The following CFAP54 variants were observed in gnomAD, a reference collection of about 807,000 sequenced individuals.
The protein encoded by CFAP54 is cilia and flagella associated protein 54.
Under a neutral mutation model 370.4 loss-of-function variants are expected in CFAP54, and 290 were observed. The observed-to-expected ratio is 0.78, with a 90% CI of 0.71 to 0.86. CFAP54 has a LOEUF of 0.86. Ranked by LOEUF, CFAP54 falls within the 40% of genes least tolerant of loss-of-function variation. CFAP54 has a pLI of 0.00. For synonymous variants in CFAP54, 1,206 were observed against 1,236.5 expected (o/e 0.98, Z 0.52); for missense variants, 3,399 against 3,528.7 (o/e 0.96, Z 0.93).
chr12:96,660,658 A>G (rs1260348577), intron 38 of CFAP54, among the ~76,000 whole-genome samples: 1 of 152,204 alleles, frequency 6.6e-6, no homozygotes, highest in Non-Finnish European at 1.5e-5. Context: ...ATTTCTCCCC[A>G]CCACTAAGCA....
At position 96,507,070 on chromosome 12, in the gene CFAP54, A is replaced by C; in HGVS notation, c.710A>C (p.Gln237Pro). ...CTCATCATGCAAGTGGCTCTGCCAC[A>C]AGAGCATCTTTGCTGGATTATCTTC... ...LRLIMQVALPQEHLCWIIFNG... is the reference protein window; with the variant it reads ...LRLIMQVALPPEHLCWIIFNG... The change falls in exon 4 of 68, where the codon CAA becomes CCA. Residue 237 changes from glutamine (Q) to proline (P), a missense_variant. Coordinates refer to ENST00000524981, the MANE Select transcript of CFAP54 (RefSeq NM_001306084.2). 1 of 1,533,738 alleles carries C rather than the reference A, an allele frequency of 6.5e-7. No individual in the cohort carries two copies. The highest frequency in any genetic ancestry group is 8.7e-7 in the Non-Finnish European group (1 of 1,146,244).
At chr12:96,733,456 A>T (rs1056460176) in intron 50 of CFAP54, among the ~76,000 whole-genome samples, 1 of 152,052 alleles carries the variant, frequency 6.6e-6, no homozygotes, top group Non-Finnish European at 1.5e-5. Context: ...TTTTGTCATG[A>T]ATGCTAATAA....
At chr12:96,604,358 G>T (rs763786467) in intron 26 of CFAP54, among the ~76,000 whole-genome samples, 5 of 152,172 alleles carry the variant, frequency 3.3e-5, no homozygotes, top group Non-Finnish European at 5.9e-5. Flanking sequence ...CCTGTTTGAG[G>T]TGTCTGTTGG....
At chr12:96,581,982 A>G (rs1015550314) in intron 22 of CFAP54, among the ~76,000 whole-genome samples, 3 of 152,160 alleles carry the variant, frequency 2.0e-5, no homozygotes, top group Non-Finnish European at 4.4e-5. Flanking sequence ...ACCTACATCC[A>G]TGATTACTTT....
chr12:96,703,999 A>T (rs149981661), intron 46 of CFAP54, among the ~76,000 whole-genome samples: 1 of 152,314 alleles, frequency 6.6e-6, no homozygotes, highest in African/African-American at 2.4e-5. Context: ...CAGCAATAGG[A>T]AAGAGGTTAT....
In CFAP54 at chr12:96,677,690, T is replaced by C. The variant is rs1333130096; in HGVS notation, c.5564-1910T>C. On this transcript the variant is annotated intron_variant, in intron 39 of 67. Coordinates refer to ENST00000524981, the MANE Select transcript of CFAP54 (RefSeq NM_001306084.2). Reference sequence around the variant, plus strand: ...TCCAGGGAGTTCACAAGAACCACTTTGGCCTAAGTATTTGATTCTCTTAAA... The same window carrying C: ...TCCAGGGAGTTCACAAGAACCACTTCGGCCTAAGTATTTGATTCTCTTAAA... 2.6e-5 allele frequency among the ~76,000 whole-genome samples: 4 copies of C among 152,306 alleles called. No homozygotes were observed. In the East Asian group the frequency reaches 7.7e-4, roughly 29 times the overall value.
At chr12:96,621,116 GTCC>G (rs778161712) in intron 26 of CFAP54, among the ~76,000 whole-genome samples, 17 of 152,184 alleles carry the variant, frequency 1.1e-4, no homozygotes, top group Non-Finnish European at 2.1e-4. Context: ...ATCTAGCCTA[GTCC>G]TCTAGCAGAA....
At chr12:96,779,662 A>G (rs1958562329) in intron 60 of CFAP54, among the ~76,000 whole-genome samples, 3 of 148,428 alleles carry the variant, frequency 2.0e-5, no homozygotes, top group Non-Finnish European at 4.5e-5. Flanking sequence ...TAATTTATAT[A>G]TTAACATATA....
Position 96,749,679 on chromosome 12 carries a change from A to G in CFAP54, c.7685-4064A>G, listed in dbSNP as rs138868094. On this transcript the variant is annotated intron_variant, in intron 55 of 67. Coordinates refer to ENST00000524981, the MANE Select transcript of CFAP54 (RefSeq NM_001306084.2). ...TCTGATTATTAATTTAGGTTTCAGC[A>G]TTGACTATCTTCTCAAAATTATCTG... Among the ~76,000 whole-genome samples, 859 of 152,266 alleles carry G rather than the reference A, an allele frequency of 5.6e-3. 8 individuals are homozygous for G. The highest frequency in any genetic ancestry group is 0.019 in the African/African-American group (810 of 41,560).
chr12:96,568,398 G>A (rs1178819253), intron 19 of CFAP54, among the ~76,000 whole-genome samples: 1 of 151,996 alleles, frequency 6.6e-6, no homozygotes, highest in Non-Finnish European at 1.5e-5. Context: ...CACCAACGAG[G>A]AACATGTCGA....
Position 96,693,750 on chromosome 12 carries a change from A to G in CFAP54, c.6293A>G (p.Tyr2098Cys). The G allele has an allele frequency of 6.3e-7, 1 of 1,599,560 alleles. No homozygotes were observed. The highest frequency in any genetic ancestry group is 8.6e-7 in the Non-Finnish European group (1 of 1,168,292). ...CTGCCTCTCCTTGCATTGTATCAAT[A>G]TTTTGTTTCTGGAATTTGTCAAGAC... Reference protein sequence around the residue: ...IVLPLLALYQYFVSGICQDIT... With the variant: ...IVLPLLALYQCFVSGICQDIT... The change falls in exon 45 of 68, where the codon TAT becomes TGT. Residue 2098 changes from tyrosine (Y) to cysteine (C), a missense_variant. By Grantham distance (194) the Tyr-to-Cys change is radical (BLOSUM62 -2). Around this residue, in one of 3 missense-constraint regions of CFAP54, gnomAD observed 2,796 missense variants for 2,869.7 expected, o/e 0.97. Coordinates refer to ENST00000524981, the MANE Select transcript of CFAP54 (RefSeq NM_001306084.2).
At chr12:96,716,255 A>T (rs1957677080) in intron 48 of CFAP54, among the ~76,000 whole-genome samples, 1 of 152,218 alleles carries the variant, frequency 6.6e-6, no homozygotes, top group Non-Finnish European at 1.5e-5. Flanking sequence ...TGCGGATAAG[A>T]GATCTATTTC....
intron 60 of CFAP54, among the ~76,000 whole-genome samples, chr12:96,769,181 A>G (rs1465329672): frequency 6.6e-6 from 1 of 150,726 alleles, no homozygotes; most frequent in Non-Finnish European, 1.5e-5. Context: ...ATATACTCTT[A>G]TCATTTTGTC....
chr12:96,570,489 A>G (rs951091930), intron 19 of CFAP54, among the ~76,000 whole-genome samples: 12 of 152,138 alleles, frequency 7.9e-5, no homozygotes, highest in South Asian at 2.1e-4. Flanking sequence ...AACTTAATCC[A>G]GGTTGCCTTT....
rs145608679 is a variant in CFAP54 at position 96,752,986 on chromosome 12, G to A, written c.7685-757G>A. On this transcript the variant is annotated intron_variant, in intron 55 of 67. Coordinates refer to ENST00000524981, the MANE Select transcript of CFAP54 (RefSeq NM_001306084.2). Reference sequence around the variant, plus strand: ...GATAATGGTGCCCACTCAGAGTTGCGGGGATCATATGAGTAATGCATTTAA... The same window carrying A: ...GATAATGGTGCCCACTCAGAGTTGCAGGGATCATATGAGTAATGCATTTAA... Among the ~76,000 whole-genome samples the A allele has an allele frequency of 2.1e-3, 315 of 152,262 alleles. 1 individual carries two copies. The highest frequency in any genetic ancestry group is 6.9e-3 in the African/African-American group (288 of 41,556).
chr12:96,522,594 G>T, intron 8 of CFAP54, among the ~76,000 whole-genome samples: 1 of 152,292 alleles, frequency 6.6e-6, no homozygotes, highest in South Asian at 2.1e-4. Context: ...TCAGCCTTAG[G>T]TTTCACCCTT....
At chr12:96,708,867 C>T (rs868726699) in intron 48 of CFAP54, 64 bp downstream of exon 48, 2 of 1,268,510 alleles carry the variant, frequency 1.6e-6, no homozygotes, top group Non-Finnish European at 2.2e-6. Context: ...TCTCCCAGCC[C>T]CCACTAATCT....
chr12:96,769,546 C>A (rs867782601), intron 60 of CFAP54, among the ~76,000 whole-genome samples: 1 of 152,218 alleles, frequency 6.6e-6, no homozygotes, highest in Non-Finnish European at 1.5e-5. Context: ...TGTCTTGGCT[C>A]CTTGCTGTGA....
In CFAP54 at chr12:96,785,437, G is replaced by A. The variant is rs1958619476; in HGVS notation, c.8455+547G>A. Among the ~76,000 whole-genome samples, 3 of 152,086 alleles carry A rather than the reference G, an allele frequency of 2.0e-5. No individual in the cohort carries two copies. The South Asian group carries it at 6.2e-4, about 32-fold the overall frequency. The stretch of plus-strand genomic sequence containing the variant: ...TTTTATCTGTGCTCATAATGTTGGT[G>A]ATCCAGTGTTGCCCATCAGTGCAAA... On this transcript the variant is annotated intron_variant, in intron 61 of 67. Transcript: ENST00000524981.
Sources: gnomAD v4.1 joint callset for allele counts (sites outside exome capture counted in the v4.1 genomes callset) on GRCh38, gnomAD v4.1.1 for gene constraint, gnomAD v4.1.1 regional missense constraint, MANE v1.5 for transcripts, NCBI Gene and HGNC (gene_info 2026-07-23, HGNC 2026-07-21) for gene names.